RARB: variants seen among roughly 807,000 people sequenced by gnomAD.
The protein encoded by RARB is HBV-activated protein.
In RARB, 17 loss-of-function variants were observed where a neutral mutation model predicts 51.9. That is an observed-to-expected ratio of 0.33 (90% CI 0.22 to 0.49). RARB has a LOEUF of 0.49. RARB is among the 20% of genes least tolerant of loss of function. RARB has a pLI of 0.99. For synonymous variants in RARB, 215 were observed against 195.4 expected (o/e 1.10, Z -0.84); for missense variants, 369 against 550.8 (o/e 0.67, Z 3.30).
intron 2 of RARB, among the ~76,000 whole-genome samples, chr3:24,889,678 G>A (rs1432032280): frequency 8.5e-6 from 1 of 117,886 alleles, no homozygotes; most frequent in Non-Finnish European, 1.7e-5. Context: ...CTCTTAAAGT[G>A]TGTGTGTGTG....
chr3:24,864,182 T>G (rs1423717246), intron 2 of RARB, among the ~76,000 whole-genome samples: 1 of 152,206 alleles, frequency 6.6e-6, no homozygotes, highest in African/African-American at 2.4e-5. Context: ...ATGTTCTGAT[T>G]GCAGGCATGA....
chr3:25,290,339 ACACT>A (rs1241891782), intron 5 of RARB, among the ~76,000 whole-genome samples: 1 of 152,182 alleles, frequency 6.6e-6, no homozygotes, highest in African/African-American at 2.4e-5. Context: ...CCATGTAAAG[ACACT>A]CAAAGAACTG....
chr3:25,228,217 G>GTTTTTTTTTTTTTTTTTTTTT (rs55796125), intron 5 of RARB, among the ~76,000 whole-genome samples: 2 of 105,626 alleles, frequency 1.9e-5, no homozygotes, highest in Admixed American at 1.0e-4. Flanking sequence ...GACTTTGAGG[G>GTTTTTTTTTTTTTTTTTTTTT]TTTTTTTTTT....
chr3:25,030,508 G>C (rs1238577891), intron 2 of RARB, among the ~76,000 whole-genome samples: 1 of 152,134 alleles, frequency 6.6e-6, no homozygotes, highest in Non-Finnish European at 1.5e-5. Flanking sequence ...TTTTGAATGA[G>C]GAAAACATTT....
intron 5 of RARB, among the ~76,000 whole-genome samples, chr3:25,254,143 C>G (rs1479915204): frequency 3.3e-5 from 5 of 152,138 alleles, no homozygotes; most frequent in African/African-American, 1.2e-4. Flanking sequence ...CTTTCAATTG[C>G]TTGACATAAC....
At chr3:25,386,400 G>T (rs1005296225) in intron 5 of RARB, among the ~76,000 whole-genome samples, 1 of 152,186 alleles carries the variant, frequency 6.6e-6, no homozygotes, top group Non-Finnish European at 1.5e-5. Context: ...AAGTGGGATT[G>T]TTCCTGATGG....
At chr3:24,931,918 G>A (rs1695447955) in intron 2 of RARB, among the ~76,000 whole-genome samples, 1 of 152,064 alleles carries the variant, frequency 6.6e-6, no homozygotes, top group Admixed American at 6.6e-5. Flanking sequence ...TGTTTGGAGA[G>A]TGGTGACTAT....
intron 5 of RARB, among the ~76,000 whole-genome samples, chr3:25,583,350 C>T (rs1701259190): frequency 6.6e-6 from 1 of 152,216 alleles, no homozygotes; most frequent in South Asian, 2.1e-4. Context: ...GGCGGATGGA[C>T]AGACAGACAG....
intron 1 of RARB, among the ~76,000 whole-genome samples, chr3:25,454,969 A>T (rs1694839628): frequency 6.6e-6 from 1 of 152,202 alleles, no homozygotes; most frequent in Non-Finnish European, 1.5e-5. Context: ...TGTTTAAGAA[A>T]GCTTCGTCAG....
chr3:25,127,938 C>T (rs970604788), intron 3 of RARB, among the ~76,000 whole-genome samples: 1 of 152,202 alleles, frequency 6.6e-6, no homozygotes, highest in South Asian at 2.1e-4. Context: ...CATTTGGGTA[C>T]ATGTACATAA....
intron 5 of RARB, among the ~76,000 whole-genome samples, chr3:25,309,048 T>C (rs1015684706): frequency 5.9e-5 from 9 of 152,136 alleles, no homozygotes; most frequent in Admixed American, 5.9e-4. Flanking sequence ...AACCACTTTG[T>C]TGATCTGTAG....
chr3:25,314,109 A>G (rs1704359360), intron 5 of RARB, among the ~76,000 whole-genome samples: 1 of 152,118 alleles, frequency 6.6e-6, no homozygotes, highest in South Asian at 2.1e-4. Flanking sequence ...AAAAATCACA[A>G]AAAATTACAA....
chr3:25,525,917 A>G (rs530227774), intron 3 of RARB, among the ~76,000 whole-genome samples: 38 of 152,344 alleles, frequency 2.5e-4, no homozygotes, highest in African/African-American at 9.1e-4. Context: ...AGCAGTTGCA[A>G]AGCTCTGAGC....
intron 5 of RARB, among the ~76,000 whole-genome samples, chr3:25,187,493 T>G: frequency 6.6e-6 from 1 of 152,078 alleles, no homozygotes; most frequent in Non-Finnish European, 1.5e-5. Context: ...TTATAGCTTA[T>G]TAAACGTACA....
intron 2 of RARB, among the ~76,000 whole-genome samples, chr3:24,983,063 CTTTAT>C (rs943851959): frequency 6.6e-6 from 1 of 152,040 alleles, no homozygotes; most frequent in African/African-American, 2.4e-5. Flanking sequence ...AAGAGTATTA[CTTTAT>C]TTTGTTTTTA....
chr3:25,082,760 T>G (rs1197907178), intron 3 of RARB, among the ~76,000 whole-genome samples: 1 of 152,118 alleles, frequency 6.6e-6, no homozygotes, highest in Non-Finnish European at 1.5e-5. Context: ...TCTGACAGTA[T>G]TTTACTTCAA....
At chr3:24,848,581 C>G (rs1702514178) in intron 1 of RARB, among the ~76,000 whole-genome samples, 1 of 152,208 alleles carries the variant, frequency 6.6e-6, no homozygotes, top group Non-Finnish European at 1.5e-5. Flanking sequence ...GGCCTTTTCT[C>G]TGCCTCACGA....
chr3:25,538,370 T>C (rs900431190), intron 3 of RARB, among the ~76,000 whole-genome samples: 1 of 152,228 alleles, frequency 6.6e-6, no homozygotes, highest in Non-Finnish European at 1.5e-5. Context: ...TCCTTTTTTT[T>C]GCTAAGCATC....
intron 4 of RARB, among the ~76,000 whole-genome samples, chr3:25,133,209 A>G (rs1699979907): frequency 6.6e-6 from 1 of 152,036 alleles, no homozygotes; most frequent in South Asian, 2.1e-4. Flanking sequence ...TATCTTAAAC[A>G]TTTAACTTGA....
Sources: gnomAD v4.1 joint callset for allele counts (sites outside exome capture counted in the v4.1 genomes callset) on GRCh38, gnomAD v4.1.1 for gene constraint, MANE v1.5 for transcripts, NCBI Gene and HGNC (gene_info 2026-07-23, HGNC 2026-07-21) for gene names.